PTPRE: variants seen among roughly 807,000 people sequenced by gnomAD.
The protein encoded by PTPRE is protein tyrosine phosphatase receptor type E.
A neutral mutation model predicts 102.0 loss-of-function variants in PTPRE; 51 were observed. That is an observed-to-expected ratio of 0.50 (90% CI 0.40 to 0.63). The LOEUF (loss-of-function observed/expected upper bound fraction) is 0.63. PTPRE is among the 30% of genes least tolerant of loss of function. The pLI, the probability that PTPRE is intolerant of heterozygous loss-of-function variation, is 0.00. For missense variants in PTPRE, 752 were observed against 915.1 expected (o/e 0.82, Z 2.30); for synonymous variants, 345 against 348.2 (o/e 0.99, Z 0.10).
rs1283968415 is a variant in PTPRE at position 128,084,614 on chromosome 10, C to G, written c.*1708C>G. On this transcript the variant is annotated 3_prime_UTR_variant, in exon 21 of 21. Transcript: ENST00000254667. ...CTGCTGAACGTGCTCCTCTCTCCTT[C>G]TCTGTACAATGATTCAGCATCTCGG... 6.5e-6 allele frequency: 1 copy of G among 153,036 alleles called. No homozygotes were observed. The highest frequency in any genetic ancestry group is 2.0e-4 in the South Asian group (1 of 4,932). 9.5% of individuals were successfully genotyped at this position (153,036 alleles called of 1,614,324 possible). A position where few individuals can be genotyped will look rare whatever the true frequency, so the allele number is the denominator to read the frequency against.
At chr10:128,054,726 T>C (rs1049765121) in intron 6 of PTPRE, among the ~76,000 whole-genome samples, 3 of 151,874 alleles carry the variant, frequency 2.0e-5, no homozygotes, top group African/African-American at 7.2e-5. Flanking sequence ...GAGTCTGCAA[T>C]TGGAGAAGCT....
At chr10:128,062,365 C>T (rs1009271161) in intron 9 of PTPRE, among the ~76,000 whole-genome samples, 6 of 152,208 alleles carry the variant, frequency 3.9e-5, no homozygotes, top group South Asian at 2.1e-4. Flanking sequence ...CATGTGCACA[C>T]GCAGAGGCCA....
At chr10:128,066,288 G>A (rs1052674632) in intron 11 of PTPRE, 94 bp downstream of exon 11, 11 of 1,551,562 alleles carry the variant, frequency 7.1e-6, no homozygotes, top group Admixed American at 1.8e-5. Context: ...GAAGTGCTTT[G>A]CTCCCAGCCC....
intron 2 of PTPRE, among the ~76,000 whole-genome samples, chr10:128,006,344 C>T (rs1854541914): frequency 1.3e-5 from 2 of 152,188 alleles, no homozygotes; most frequent in South Asian, 4.1e-4. Context: ...TTTTCACAGA[C>T]AAGGTTCAAC....
chr10:127,997,731 T>A (rs992876875), intron 2 of PTPRE, among the ~76,000 whole-genome samples: 1 of 152,166 alleles, frequency 6.6e-6, no homozygotes, highest in Non-Finnish European at 1.5e-5. Context: ...AACAAAAAAA[T>A]ATAGTTTCTC....
At chr10:127,908,626 G>C (rs1352840589) in intron 1 of PTPRE, among the ~76,000 whole-genome samples, 1 of 152,160 alleles carries the variant, frequency 6.6e-6, no homozygotes, top group Non-Finnish European at 1.5e-5. Context: ...ACAGGCTCTT[G>C]GCATTTGGGG....
At chr10:127,999,064 TGA>T (rs1417214009) in intron 2 of PTPRE, 4 of 152,144 alleles carry the variant, frequency 2.6e-5, no homozygotes, top group Non-Finnish European at 4.4e-5. Context: ...TTCTTTACGC[TGA>T]GAGAGGAGGA....
intron 2 of PTPRE, among the ~76,000 whole-genome samples, chr10:128,025,100 AATGAGCCATG>A (rs1846190321): frequency 6.8e-6 from 1 of 147,758 alleles, no homozygotes. Context: ...TTGAGGCTGC[AATGAGCCATG>A]ATCATGCCAC....
chr10:128,068,272 C>T lies in PTPRE; in HGVS notation c.993C>T (p.Ile331=), dbSNP rs918456964. Residue 331 remains isoleucine (I), a synonymous_variant, in exon 12 of 21, where the codon ATC becomes ATT. Transcript: ENST00000254667. ...TCAACCCCGTGCACGCTGGGCCCAT[C>T]GTGGTCCACTGTAGGTACGCTGTGG... The part of the protein sequence containing the change: ...KTLNPVHAGP[I]VVHCSAGVGR... 2.4e-5 allele frequency: 39 copies of T among 1,613,318 alleles called. No individual in the cohort carries two copies. Among genetic ancestry groups the T allele is most frequent in the Non-Finnish European group, 3.3e-5 (39 of 1,179,592 alleles).
chr10:128,033,648 CTTAT>C (rs774473309), intron 2 of PTPRE, among the ~76,000 whole-genome samples: 3 of 152,112 alleles, frequency 2.0e-5, no homozygotes, highest in Admixed American at 6.6e-5. Flanking sequence ...CATTTATTTA[CTTAT>C]TTATTTATTC....
intron 1 of PTPRE, among the ~76,000 whole-genome samples, chr10:127,978,681 A>T (rs1207189565): frequency 6.6e-6 from 1 of 152,156 alleles, no homozygotes; most frequent in Non-Finnish European, 1.5e-5. Context: ...TCGCTCTGTG[A>T]TGCTGGTCCA....
Position 127,907,957 on chromosome 10 carries a change from G to T in PTPRE, c.-31+648G>T, listed in dbSNP as rs185608931. ...GTCGACGACCTCACAGGGCTCCTGA[G>T]CACAGATGCGAGCGCGGTGCCAATT... On this transcript the variant is annotated intron_variant, in intron 1 of 20. Coordinates refer to ENST00000254667, the MANE Select transcript of PTPRE (RefSeq NM_006504.6). The surrounding 1 kb of genome is among the most constrained non-coding windows in gnomAD (Gnocchi z 4.8). 3.3e-3 allele frequency among the ~76,000 whole-genome samples: 495 copies of T among 152,302 alleles called. 1 individual carries two copies. The highest frequency in any genetic ancestry group is 0.011 in the African/African-American group (477 of 41,590).
intron 3 of PTPRE, among the ~76,000 whole-genome samples, 169 bp downstream of exon 3, chr10:128,041,159 G>A (rs964129661): frequency 2.6e-5 from 4 of 152,188 alleles, no homozygotes; most frequent in African/African-American, 9.7e-5. Flanking sequence ...AAATAAGCTA[G>A]TTTAGCATTT....
intron 1 of PTPRE, among the ~76,000 whole-genome samples, chr10:127,972,631 G>T (rs1850841317): frequency 6.6e-6 from 1 of 152,188 alleles, no homozygotes; most frequent in Admixed American, 6.5e-5. Context: ...TTACCATGAT[G>T]CCGTGGATCA....
intron 2 of PTPRE, among the ~76,000 whole-genome samples, chr10:127,990,371 C>T (rs577237212): frequency 1.8e-4 from 26 of 141,336 alleles, no homozygotes; most frequent in African/African-American, 5.4e-4. Flanking sequence ...GAGACTGCAC[C>T]GTTGCACTCC....
rs377134425 is a variant in PTPRE at position 128,047,503 on chromosome 10, G to A, written c.209+14G>A. 17 of 1,612,874 alleles carry A rather than the reference G, an allele frequency of 1.1e-5. No homozygotes were observed. Among genetic ancestry groups the A allele is most frequent in the Middle Eastern group, 1.8e-4 (1 of 5,628 alleles). ...CTACTTCTTCAGGTAGGAGTGTCCCGGGGCACTGACTTGCCCCAACCAGCT... is the reference window on the plus strand; with the variant it reads ...CTACTTCTTCAGGTAGGAGTGTCCCAGGGCACTGACTTGCCCCAACCAGCT... On this transcript the variant is annotated intron_variant, in intron 4 of 20. Coordinates refer to ENST00000254667, the MANE Select transcript of PTPRE (RefSeq NM_006504.6).
intron 2 of PTPRE, among the ~76,000 whole-genome samples, chr10:127,992,322 C>T (rs1852755760): frequency 6.6e-6 from 1 of 152,200 alleles, no homozygotes; most frequent in Non-Finnish European, 1.5e-5. Flanking sequence ...GGACATCCGT[C>T]TCCCTAGCTG....
At position 127,934,024 on chromosome 10, in the gene PTPRE, G is replaced by GCGCACA. The variant is rs1357914217; in HGVS notation, c.-31+26716_-31+26717insGCACAC. 31 of 82,348 alleles carry GCGCACA rather than the reference G, an allele frequency of 3.8e-4. 1 individual carries two copies. Among genetic ancestry groups the GCGCACA allele is most frequent in the South Asian group, 1.3e-3 (3 of 2,382 alleles). 5.1% of individuals were successfully genotyped at this position (82,348 alleles called of 1,614,324 possible). Reference sequence around the variant, plus strand: ...TATCCCCCTTCCCCCCACCCCCCGCGCACACACACACACACACACACACAC... The same window carrying GCGCACA: ...TATCCCCCTTCCCCCCACCCCCCGCGCGCACACACACACACACACACACACACACAC... On this transcript the variant is annotated intron_variant, in intron 1 of 20. Transcript: ENST00000254667.
At chr10:127,916,993 T>A (rs1199843701) in intron 1 of PTPRE, among the ~76,000 whole-genome samples, 1 of 151,960 alleles carries the variant, frequency 6.6e-6, no homozygotes, top group African/African-American at 2.4e-5. Context: ...CCCAGCAGCA[T>A]GCTCAGCTGT....
Sources: allele counts gnomAD v4.1 joint callset (sites outside exome capture counted in the v4.1 genomes callset), GRCh38; gene constraint gnomAD v4.1.1; non-coding constraint Gnocchi (gnomAD v3.1); transcripts MANE v1.5; gene names NCBI Gene and HGNC (gene_info 2026-07-23, HGNC 2026-07-21).